Variants in CDK8 observed in about 807,000 individuals in gnomAD.
CDK8 encodes cyclin-dependent kinase 8.
In CDK8, 29 loss-of-function variants were observed where a neutral mutation model predicts 71.5. The ratio of observed to expected loss-of-function variants is 0.41; its 90% confidence interval spans 0.30 to 0.55. The LOEUF (loss-of-function observed/expected upper bound fraction) is 0.55. CDK8 is among the 20% of genes least tolerant of loss of function. The probability of loss-of-function intolerance (pLI) is 0.37; values close to 1 mark genes in which losing one functional copy is unlikely to be tolerated. For missense variants in CDK8, 288 were observed against 572.6 expected, an observed-to-expected ratio of 0.50 and a Z score of 5.07; for synonymous variants, 161 against 192.1, an observed-to-expected ratio of 0.84 and a Z score of 1.34.
At chr13:26,398,261 A>G (rs966526159) in intron 9 of CDK8, among the ~76,000 whole-genome samples, 9 of 152,214 alleles carry the variant, frequency 5.9e-5, no homozygotes, top group Admixed American at 5.9e-4. Context: ...TAGGACCCAA[A>G]TTAGAGGTCT....
intron 1 of CDK8, among the ~76,000 whole-genome samples, chr13:26,272,843 A>G (rs1872394297): frequency 6.6e-6 from 1 of 152,160 alleles, no homozygotes; most frequent in African/African-American, 2.4e-5. Flanking sequence ...CTCTATTTTA[A>G]TCTTATGGGA....
At chr13:26,317,655 A>G (rs992832079) in intron 1 of CDK8, among the ~76,000 whole-genome samples, 3 of 152,236 alleles carry the variant, frequency 2.0e-5, no homozygotes, top group Non-Finnish European at 4.4e-5. Context: ...GACAATTCAC[A>G]AAATTGTGGA....
intron 1 of CDK8, among the ~76,000 whole-genome samples, chr13:26,295,976 A>G (rs1873540936): frequency 6.6e-6 from 1 of 152,134 alleles, no homozygotes; most frequent in South Asian, 2.1e-4. Flanking sequence ...GTACAGCAGC[A>G]TTCAATACTC....
At chr13:26,381,521 TTAC>T (rs1172857963) in intron 4 of CDK8, among the ~76,000 whole-genome samples, 1 of 152,156 alleles carries the variant, frequency 6.6e-6, no homozygotes, top group Non-Finnish European at 1.5e-5. Context: ...ATTATTATTA[TTAC>T]AGCAGTGCAT....
At chr13:26,258,530 T>C (rs1479436831) in intron 1 of CDK8, among the ~76,000 whole-genome samples, 4 of 151,700 alleles carry the variant, frequency 2.6e-5, no homozygotes, top group Admixed American at 6.6e-5. Flanking sequence ...TAAACTCTAA[T>C]GAAAGCCATG....
intron 1 of CDK8, among the ~76,000 whole-genome samples, chr13:26,328,934 G>A (rs369133556): frequency 6.6e-6 from 1 of 151,872 alleles, no homozygotes; most frequent in South Asian, 2.1e-4. Flanking sequence ...TCTACTTCTA[G>A]CATATTTTAT....
chr13:26,322,432 A>G (rs901106961), intron 1 of CDK8, among the ~76,000 whole-genome samples: 1 of 151,982 alleles, frequency 6.6e-6, no homozygotes, highest in Non-Finnish European at 1.5e-5. Context: ...CTGTGTGGTT[A>G]TTTCACTTTT....
intron 1 of CDK8, among the ~76,000 whole-genome samples, chr13:26,323,753 A>T (rs933579042): frequency 1.3e-5 from 2 of 152,080 alleles, no homozygotes; most frequent in Non-Finnish European, 2.9e-5. Flanking sequence ...TTTTCTACTC[A>T]CGTATATGCA....
intron 1 of CDK8, among the ~76,000 whole-genome samples, chr13:26,267,925 C>A (rs1872100070): frequency 6.6e-6 from 1 of 152,094 alleles, no homozygotes; most frequent in Non-Finnish European, 1.5e-5. Flanking sequence ...GGAGTTTTAT[C>A]CCTCCTGGCT....
At chr13:26,333,549 G>A (rs1239155197) in intron 1 of CDK8, among the ~76,000 whole-genome samples, 1 of 152,088 alleles carries the variant, frequency 6.6e-6, no homozygotes, top group Non-Finnish European at 1.5e-5. Flanking sequence ...ACAACCACAG[G>A]TGATTCACAG....
At chr13:26,258,492 G>GTGT (rs1871625724) in intron 1 of CDK8, among the ~76,000 whole-genome samples, 1 of 147,424 alleles carries the variant, frequency 6.8e-6, no homozygotes, top group African/African-American at 2.5e-5. Flanking sequence ...TATCTAGAGG[G>GTGT]GTGTGTGTGT....
At chr13:26,320,745 T>C (rs1416815872) in intron 1 of CDK8, among the ~76,000 whole-genome samples, 3 of 152,250 alleles carry the variant, frequency 2.0e-5, no homozygotes, top group South Asian at 4.1e-4. Context: ...AAAGAAGATA[T>C]ACAAATGGCT....
intron 4 of CDK8, among the ~76,000 whole-genome samples, chr13:26,354,522 T>C (rs1472989458): frequency 6.6e-6 from 1 of 152,174 alleles, no homozygotes; most frequent in Non-Finnish European, 1.5e-5. Flanking sequence ...CATGGCTCAT[T>C]AGGGACCAGG....
Position 26,343,139 on chromosome 13 carries a change from C to T in CDK8, c.204+5497C>T, listed in dbSNP as rs75179957. On this transcript the variant is annotated intron_variant, in intron 2 of 12. Coordinates refer to ENST00000381527, the MANE Select transcript of CDK8 (RefSeq NM_001260.3). ...ATACAGTCATGCATCACTTAATTAG[C>T]GGGATATGCTCTGAAAAAATGCATT... is the stretch of plus-strand genomic sequence containing the variant. Among the ~76,000 whole-genome samples the T allele has an allele frequency of 5.6e-4, 86 of 152,258 alleles. 1 individual carries two copies. In the East Asian group the frequency reaches 0.015, roughly 27 times the overall value.
intron 5 of CDK8, among the ~76,000 whole-genome samples, chr13:26,383,145 C>T (rs1402528627): frequency 6.6e-6 from 1 of 152,190 alleles, no homozygotes; most frequent in Non-Finnish European, 1.5e-5. Flanking sequence ...AGGTGAGGGG[C>T]TTCTATCTCT....
chr13:26,319,679 A>C (rs1874674847), intron 1 of CDK8, among the ~76,000 whole-genome samples: 1 of 125,318 alleles, frequency 8.0e-6, no homozygotes, highest in South Asian at 2.5e-4. Flanking sequence ...CAAAATCCAA[A>C]TGGCTTTTTT....
At chr13:26,318,891 AG>A in intron 1 of CDK8, among the ~76,000 whole-genome samples, 1 of 152,356 alleles carries the variant, frequency 6.6e-6, no homozygotes. Flanking sequence ...CTTTTCCTCT[AG>A]TACCAGGAAC....
At chr13:26,344,609 A>T (rs1873382861) in intron 2 of CDK8, among the ~76,000 whole-genome samples, 1 of 152,200 alleles carries the variant, frequency 6.6e-6, no homozygotes, top group African/African-American at 2.4e-5. Flanking sequence ...TACCAAAAAA[A>T]TACAAAAATT....
At chr13:26,263,449 CT>C (rs1029885338) in intron 1 of CDK8, among the ~76,000 whole-genome samples, 1 of 127,284 alleles carries the variant, frequency 7.9e-6, no homozygotes, top group Admixed American at 7.9e-5. Flanking sequence ...TAGGTATTAC[CT>C]TTTTTTTTGA....
Sources: allele counts gnomAD v4.1 joint callset (sites outside exome capture counted in the v4.1 genomes callset), GRCh38; gene constraint gnomAD v4.1.1; transcripts MANE v1.5; gene names NCBI Gene and HGNC (gene_info 2026-07-23, HGNC 2026-07-21).